Variants in DOCK3 observed in about 807,000 individuals in gnomAD.
The protein encoded by DOCK3 is dedicator of cytokinesis 3, also known as dedicator of cytokinesis protein 3.
DOCK3 carries 60 observed loss-of-function variants against 265.6 expected under a neutral mutation model. The observed-to-expected ratio is 0.23, with a 90% CI of 0.18 to 0.28. The LOEUF is 0.28. Among genes scored for constraint, DOCK3 ranks in the 10% least tolerant of loss-of-function variants. The pLI, the probability that DOCK3 is intolerant of heterozygous loss-of-function variation, is 1.00. For synonymous variants in DOCK3, 881 were observed against 938.0 expected (o/e 0.94, Z 1.11); for missense variants, 1,981 against 2,594.3 (o/e 0.76, Z 5.14).
At chr3:50,742,021 G>A (rs2039072955) in intron 1 of DOCK3, among the ~76,000 whole-genome samples, 1 of 152,192 alleles carries the variant, frequency 6.6e-6, no homozygotes, top group African/African-American at 2.4e-5. Context: ...TTCTCTGATG[G>A]CCAGTGATGG....
At chr3:51,058,982 T>C (rs2081301691) in intron 5 of DOCK3, among the ~76,000 whole-genome samples, 1 of 152,126 alleles carries the variant, frequency 6.6e-6, no homozygotes, top group Non-Finnish European at 1.5e-5. Flanking sequence ...GTTACATGGG[T>C]ATGTTGCATG....
At chr3:51,126,479 A>G (rs558466876) in intron 9 of DOCK3, among the ~76,000 whole-genome samples, 1 of 152,328 alleles carries the variant, frequency 6.6e-6, no homozygotes, top group Admixed American at 6.5e-5. Flanking sequence ...AGCAAAACAC[A>G]TGGAAGGGAA....
intron 5 of DOCK3, among the ~76,000 whole-genome samples, chr3:51,010,759 G>T (rs2078912545): frequency 6.6e-6 from 1 of 152,178 alleles, no homozygotes; most frequent in East Asian, 1.9e-4. Flanking sequence ...GACTGGTACT[G>T]GTTGTTACTT....
intron 5 of DOCK3, among the ~76,000 whole-genome samples, chr3:51,041,960 A>G (rs972192753): frequency 2.0e-5 from 3 of 152,176 alleles, no homozygotes; most frequent in Admixed American, 6.6e-5. Flanking sequence ...CTCCCTAGCC[A>G]TGAAAGCCCT....
chr3:51,004,742 C>G (rs2078617451), intron 5 of DOCK3, among the ~76,000 whole-genome samples: 1 of 130,790 alleles, frequency 7.6e-6, no homozygotes, highest in Admixed American at 8.1e-5. Flanking sequence ...TTTACAAACT[C>G]CTGCATCATT....
intron 2 of DOCK3, among the ~76,000 whole-genome samples, chr3:50,826,807 T>C (rs1243932413): frequency 6.6e-6 from 1 of 152,140 alleles, no homozygotes; most frequent in African/African-American, 2.4e-5. Flanking sequence ...AAGAAAAAGT[T>C]GAGGGAATTT....
intron 49 of DOCK3, among the ~76,000 whole-genome samples, chr3:51,363,937 C>T (rs1252600909): frequency 6.6e-6 from 1 of 152,194 alleles, no homozygotes; most frequent in Non-Finnish European, 1.5e-5. Flanking sequence ...AATAGTGCCG[C>T]AGTAAACATA....
At chr3:50,744,212 T>C (rs553837494) in intron 1 of DOCK3, among the ~76,000 whole-genome samples, 1 of 152,340 alleles carries the variant, frequency 6.6e-6, no homozygotes, top group African/African-American at 2.4e-5. Context: ...AGATATTTTA[T>C]ACCACTCTGT....
intron 38 of DOCK3, 97 bp downstream of exon 38, chr3:51,341,482 G>A: frequency 6.5e-7 from 1 of 1,530,898 alleles, no homozygotes; most frequent in Non-Finnish European, 8.9e-7. Flanking sequence ...AGGGGGTAGT[G>A]TGTGGGGTGG....
chr3:50,927,984 G>GT (rs1040633804), intron 4 of DOCK3, among the ~76,000 whole-genome samples: 6 of 151,764 alleles, frequency 4.0e-5, no homozygotes, highest in African/African-American at 1.5e-4. Flanking sequence ...CTTTGGGACT[G>GT]TTTTTTTCCC....
rs758012008 is a variant in DOCK3 at position 51,090,337 on chromosome 3, C to T, written c.699C>T (p.Thr233=). The part of the protein sequence containing the change: ...SFTYNTIGED[T]DVFFSLYDMR... ...CTTACAATACTATTGGGGAAGATAC[C>T]GATGTCTTCTTTTCCTTATATGACA... Residue 233 remains threonine (T), a synonymous_variant, in exon 9 of 53, where the codon ACC becomes ACT. Coordinates refer to ENST00000266037, the MANE Select transcript of DOCK3 (RefSeq NM_004947.5). The T allele has an allele frequency of 5.0e-5, 80 of 1,605,456 alleles. No individual in the cohort carries two copies. Among genetic ancestry groups the T allele is most frequent in the Middle Eastern group, 3.3e-4 (2 of 6,080 alleles).
At chr3:50,730,993 G>T (rs991095018) in intron 1 of DOCK3, among the ~76,000 whole-genome samples, 1 of 151,824 alleles carries the variant, frequency 6.6e-6, no homozygotes, top group African/African-American at 2.4e-5. Context: ...TTAGCTGGGC[G>T]TGGTGGTGGG....
At chr3:50,996,528 A>G (rs150400825) in intron 5 of DOCK3, among the ~76,000 whole-genome samples, 1 of 152,084 alleles carries the variant, frequency 6.6e-6, no homozygotes, top group East Asian at 1.9e-4. Flanking sequence ...TTTCTTAACT[A>G]TTTGTAATTT....
At chr3:51,377,990 G>A (rs1263992374) in intron 51 of DOCK3, among the ~76,000 whole-genome samples, 5 of 152,200 alleles carry the variant, frequency 3.3e-5, no homozygotes, top group African/African-American at 1.2e-4. Context: ...GAGAGGGGAA[G>A]GTACAGGGAG....
intron 3 of DOCK3, among the ~76,000 whole-genome samples, chr3:50,862,362 A>AT (rs1491481822): frequency 1.3e-5 from 2 of 152,228 alleles, no homozygotes; most frequent in African/African-American, 4.8e-5. Context: ...TTCGGGCAGC[A>AT]TATCTTTTAT....
intron 3 of DOCK3, among the ~76,000 whole-genome samples, chr3:50,884,974 G>A (rs994966853): frequency 1.9e-4 from 29 of 152,132 alleles, no homozygotes; most frequent in African/African-American, 6.3e-4. Context: ...ACAATGTCAT[G>A]TAGCTATCAT....
chr3:51,022,100 G>T (rs975727111), intron 5 of DOCK3, among the ~76,000 whole-genome samples: 1 of 152,024 alleles, frequency 6.6e-6, no homozygotes, highest in African/African-American at 2.4e-5. Flanking sequence ...TTAGAAATTT[G>T]TATTTATTTT....
intron 3 of DOCK3, 135 bp from the exon 4 acceptor site, chr3:50,889,891 C>A: frequency 1.6e-6 from 1 of 607,976 alleles, no homozygotes; most frequent in Non-Finnish European, 2.5e-6. Flanking sequence ...GCTCTGCATA[C>A]TTAATATGCA....
In DOCK3 at chr3:51,270,888, A is replaced by C. The variant is rs781128454; in HGVS notation, c.2429A>C (p.Glu810Ala). The change falls in exon 24 of 53, where the codon GAG (glutamate) becomes GCG (alanine). Residue 810 changes from glutamate to alanine, a missense_variant. By Grantham distance (107) the Glu-to-Ala change is moderately radical. Coordinates refer to ENST00000266037, the MANE Select transcript of DOCK3 (RefSeq NM_004947.5). Reference sequence around the variant, plus strand: ...ATGTTCACCGTGCAAGAGGTGGCAGAGTTTGTGAGAGGGACACTGGGGAGC... The same window carrying C: ...ATGTTCACCGTGCAAGAGGTGGCAGCGTTTGTGAGAGGGACACTGGGGAGC... ...LQMFTVQEVA[E>A]FVRGTLGSMP... The C allele has an allele frequency of 6.2e-7, 1 of 1,613,998 alleles. No homozygotes were observed. Among genetic ancestry groups the C allele is most frequent in the Non-Finnish European group, 8.5e-7 (1 of 1,179,896 alleles).
Sources: gnomAD v4.1 joint callset for allele counts (sites outside exome capture counted in the v4.1 genomes callset) on GRCh38, gnomAD v4.1.1 for gene constraint, MANE v1.5 for transcripts, NCBI Gene and HGNC (gene_info 2026-07-23, HGNC 2026-07-21) for gene names.